CHCHD3: variants seen among roughly 807,000 people sequenced by gnomAD.
The protein encoded by CHCHD3 is MICOS complex subunit MIC19.
CHCHD3 carries 20 observed loss-of-function variants against 38.2 expected under a neutral mutation model. The ratio of observed to expected loss-of-function variants is 0.52; its 90% CI spans 0.37 to 0.76. CHCHD3 has a LOEUF of 0.76. Ranked by LOEUF, CHCHD3 falls within the 30% of genes least tolerant of loss-of-function variation. The pLI is 0.00. For synonymous variants in CHCHD3, 82 were observed against 100.0 expected, an observed-to-expected ratio of 0.82 and a Z score of 1.07; for missense variants, 245 against 279.2, an observed-to-expected ratio of 0.88 and a Z score of 0.87.
chr7:133,017,219 T>C (rs1813055076), intron 3 of CHCHD3, among the ~76,000 whole-genome samples: 1 of 152,162 alleles, frequency 6.6e-6, no homozygotes, highest in African/African-American at 2.4e-5. Context: ...CTTTGAAAAA[T>C]GTTTATGTAA....
intron 4 of CHCHD3, among the ~76,000 whole-genome samples, chr7:132,933,069 T>A (rs1037284423): frequency 3.3e-5 from 5 of 152,188 alleles, no homozygotes; most frequent in Admixed American, 3.3e-4. Context: ...ACCGAGGTCT[T>A]GACCAGTTTC....
At chr7:132,854,420 T>A (rs1265379459) in intron 5 of CHCHD3, among the ~76,000 whole-genome samples, 1 of 152,076 alleles carries the variant, frequency 6.6e-6, no homozygotes, top group Non-Finnish European at 1.5e-5. Context: ...TGAACAGATA[T>A]AAGAATAAGG....
At chr7:133,078,536 A>T (rs1269624990) in intron 1 of CHCHD3, among the ~76,000 whole-genome samples, 5 of 152,206 alleles carry the variant, frequency 3.3e-5, no homozygotes, top group African/African-American at 1.2e-4. Context: ...ACATATTTAT[A>T]TTAAGGGAAT....
chr7:132,825,291 C>T (rs1807481099), intron 6 of CHCHD3, among the ~76,000 whole-genome samples: 1 of 152,128 alleles, frequency 6.6e-6, no homozygotes, highest in South Asian at 2.1e-4. Flanking sequence ...AGAAACCAAA[C>T]AAATAAGGAC....
intron 4 of CHCHD3, among the ~76,000 whole-genome samples, chr7:132,964,799 CA>C (rs1297206910): frequency 6.6e-6 from 1 of 152,086 alleles, no homozygotes; most frequent in Non-Finnish European, 1.5e-5. Context: ...TTTTGCAATA[CA>C]GGGATTCACA....
chr7:132,910,577 C>A (rs1327460135), intron 4 of CHCHD3, among the ~76,000 whole-genome samples: 1 of 152,196 alleles, frequency 6.6e-6, no homozygotes, highest in Non-Finnish European at 1.5e-5. Context: ...TTCTATGTGT[C>A]ATTTTCTCCA....
intron 4 of CHCHD3, among the ~76,000 whole-genome samples, chr7:132,890,365 C>T (rs187840111): frequency 6.6e-6 from 1 of 152,276 alleles, no homozygotes; most frequent in Non-Finnish European, 1.5e-5. Flanking sequence ...ACATACTGGG[C>T]TGATAGAAAC....
intron 4 of CHCHD3, chr7:132,973,941 G>A (rs1259234150): frequency 1.6e-6 from 2 of 1,281,886 alleles, no homozygotes; most frequent in East Asian, 5.6e-5. Context: ...GTTCCGAGGA[G>A]TAACATCTGG....
At chr7:132,982,656 TA>T (rs1811948710) in intron 3 of CHCHD3, among the ~76,000 whole-genome samples, 1 of 152,206 alleles carries the variant, frequency 6.6e-6, no homozygotes, top group Non-Finnish European at 1.5e-5. Context: ...TCGTACCAGG[TA>T]CAACTGTAAG....
chr7:132,977,986 G>T (rs1013464473), intron 3 of CHCHD3, among the ~76,000 whole-genome samples: 3 of 151,910 alleles, frequency 2.0e-5, no homozygotes, highest in African/African-American at 7.3e-5. Flanking sequence ...GCAAACTCTG[G>T]GTCCAAATCA....
chr7:133,047,735 GA>G (rs912134016), intron 2 of CHCHD3, among the ~76,000 whole-genome samples: 3 of 152,146 alleles, frequency 2.0e-5, no homozygotes, highest in African/African-American at 7.2e-5. Flanking sequence ...AGGAAGAAAG[GA>G]GAGATACAGA....
chr7:132,809,142 G>A (rs953134972), intron 6 of CHCHD3, among the ~76,000 whole-genome samples: 1 of 101,550 alleles, frequency 9.8e-6, no homozygotes, highest in Admixed American at 1.0e-4. Flanking sequence ...TTTTTTTTTT[G>A]CTGAGATGGG....
At chr7:132,946,201 C>T (rs940766831) in intron 4 of CHCHD3, among the ~76,000 whole-genome samples, 11 of 151,556 alleles carry the variant, frequency 7.3e-5, no homozygotes, top group Admixed American at 5.3e-4. Flanking sequence ...TATACACACA[C>T]ATATACATAT....
chr7:132,947,682 GATA>G (rs1562917500), intron 4 of CHCHD3, among the ~76,000 whole-genome samples: 1 of 151,812 alleles, frequency 6.6e-6, no homozygotes, highest in African/African-American at 2.4e-5. Flanking sequence ...TATAACATTT[GATA>G]ATGTTATAAT....
At chr7:132,962,404 C>T (rs934733111) in intron 4 of CHCHD3, among the ~76,000 whole-genome samples, 1 of 152,096 alleles carries the variant, frequency 6.6e-6, no homozygotes, top group Non-Finnish European at 1.5e-5. Context: ...ACTACATTAA[C>T]GACCTTGTCC....
intron 4 of CHCHD3, among the ~76,000 whole-genome samples, chr7:132,966,540 C>T (rs778750776): frequency 5.9e-5 from 9 of 152,126 alleles, no homozygotes; most frequent in African/African-American, 1.2e-4. Context: ...ATGAAGCAGG[C>T]GTCATTGCAC....
intron 3 of CHCHD3, among the ~76,000 whole-genome samples, chr7:132,985,189 G>A (rs1160178871): frequency 8.5e-5 from 6 of 70,986 alleles, no homozygotes; most frequent in East Asian, 1.3e-3. Context: ...CGCCCCGTCC[G>A]GAAGGGAGGT....
At chr7:133,059,641 T>C (rs546198801) in intron 2 of CHCHD3, among the ~76,000 whole-genome samples, 2 of 152,326 alleles carry the variant, frequency 1.3e-5, no homozygotes, top group South Asian at 2.1e-4. Flanking sequence ...TTTCCCCAGA[T>C]GGTACTCAAG....
chr7:132,899,256 C>T (rs1402696479), intron 4 of CHCHD3, among the ~76,000 whole-genome samples: 1 of 152,174 alleles, frequency 6.6e-6, no homozygotes, highest in Admixed American at 6.5e-5. Context: ...GCAGGAGAGC[C>T]TCAGACTGTG....
Sources: gnomAD v4.1 joint callset for allele counts (sites outside exome capture counted in the v4.1 genomes callset) on GRCh38, gnomAD v4.1.1 for gene constraint, MANE v1.5 for transcripts, NCBI Gene and HGNC (gene_info 2026-07-23, HGNC 2026-07-21) for gene names.